Variants in ITFG1 observed in about 807,000 individuals in gnomAD.
ITFG1 encodes integrin alpha FG-GAP repeat containing 1, also known as T-cell immunomodulatory protein.
In ITFG1, 34 loss-of-function variants were observed where a neutral mutation model predicts 81.8. The ratio of observed to expected loss-of-function variants is 0.42; its 90% CI spans 0.32 to 0.55. The LOEUF (loss-of-function observed/expected upper bound fraction) is 0.55. Among genes scored for constraint, ITFG1 ranks in the 20% least tolerant of loss-of-function variants. ITFG1 has a pLI of 0.17. For synonymous variants in ITFG1, 285 were observed against 270.6 expected (o/e 1.05, Z -0.52); for missense variants, 672 against 755.4 (o/e 0.89, Z 1.29).
At chr16:47,333,335 C>T (rs1007075225) in intron 8 of ITFG1, among the ~76,000 whole-genome samples, 1 of 152,130 alleles carries the variant, frequency 6.6e-6, no homozygotes, top group Admixed American at 6.6e-5. Context: ...CTCAAGTCTG[C>T]CTAAGTTCAT....
chr16:47,214,494 T>A (rs1398190228), intron 14 of ITFG1, among the ~76,000 whole-genome samples: 2 of 152,174 alleles, frequency 1.3e-5, no homozygotes. Flanking sequence ...TAAGTTCTTA[T>A]CAAATATTGT....
chr16:47,184,565 G>C (rs1255721994), intron 14 of ITFG1, among the ~76,000 whole-genome samples: 1 of 151,994 alleles, frequency 6.6e-6, no homozygotes, highest in African/African-American at 2.4e-5. Flanking sequence ...ATACTTTCCA[G>C]ACAAGCAAAT....
chr16:47,255,979 T>C (rs1242056431), intron 12 of ITFG1, among the ~76,000 whole-genome samples: 1 of 152,126 alleles, frequency 6.6e-6, no homozygotes, highest in Non-Finnish European at 1.5e-5. Context: ...TTTTATTTTT[T>C]TATTTTTTTT....
At chr16:47,271,117 A>G (rs1966334529) in intron 10 of ITFG1, among the ~76,000 whole-genome samples, 1 of 152,234 alleles carries the variant, frequency 6.6e-6, no homozygotes, top group African/African-American at 2.4e-5. Flanking sequence ...AAATAAAAAT[A>G]ACAAAAATAA....
At chr16:47,329,825 G>A (rs772960324) in intron 8 of ITFG1, among the ~76,000 whole-genome samples, 4 of 152,086 alleles carry the variant, frequency 2.6e-5, no homozygotes, top group Admixed American at 6.6e-5. Flanking sequence ...AACTCAGGCA[G>A]CCTGCGTCGA....
chr16:47,272,245 T>C (rs1469852306), intron 10 of ITFG1, among the ~76,000 whole-genome samples: 1 of 152,116 alleles, frequency 6.6e-6, no homozygotes, highest in Non-Finnish European at 1.5e-5. Context: ...CAGAAAGCTA[T>C]AGAGACAGAA....
intron 14 of ITFG1, among the ~76,000 whole-genome samples, chr16:47,205,173 G>A (rs1567422807): frequency 6.6e-6 from 1 of 152,200 alleles, no homozygotes; most frequent in South Asian, 2.1e-4. Flanking sequence ...GAGTTTTATA[G>A]TCTACATCAG....
At chr16:47,248,560 T>C (rs1966029144) in intron 12 of ITFG1, among the ~76,000 whole-genome samples, 1 of 152,210 alleles carries the variant, frequency 6.6e-6, no homozygotes, top group Non-Finnish European at 1.5e-5. Context: ...GTCAAGCTTA[T>C]GAACAAGTAA....
chr16:47,181,575 C>T (rs1446232909), intron 14 of ITFG1, among the ~76,000 whole-genome samples: 1 of 149,588 alleles, frequency 6.7e-6, no homozygotes, highest in African/African-American at 2.5e-5. Context: ...CCCCCCCGCC[C>T]GGCCAGCCGC....
intron 12 of ITFG1, 131 bp downstream of exon 12, chr16:47,258,501 T>C (rs1966164989): frequency 2.1e-5 from 12 of 572,852 alleles, no homozygotes; most frequent in South Asian, 1.8e-4. Flanking sequence ...TCTATGTATA[T>C]AGACAGGATG....
intron 6 of ITFG1, among the ~76,000 whole-genome samples, chr16:47,416,634 G>A (rs1220337471): frequency 1.3e-5 from 2 of 152,108 alleles, no homozygotes; most frequent in African/African-American, 4.8e-5. Flanking sequence ...TCATTCAAGA[G>A]CTGATTGTTT....
At chr16:47,269,982 T>G (rs1966320533) in intron 10 of ITFG1, among the ~76,000 whole-genome samples, 1 of 152,174 alleles carries the variant, frequency 6.6e-6, no homozygotes, top group Admixed American at 6.5e-5. Flanking sequence ...ACATATATTG[T>G]CAACTGATTT....
At chr16:47,173,229 C>A (rs1386822273) in intron 14 of ITFG1, among the ~76,000 whole-genome samples, 1 of 152,124 alleles carries the variant, frequency 6.6e-6, no homozygotes, top group Non-Finnish European at 1.5e-5. Flanking sequence ...TTCCCTCTTC[C>A]TCCCACCCAC....
At chr16:47,381,451 G>T (rs1248552673) in intron 6 of ITFG1, among the ~76,000 whole-genome samples, 2 of 152,140 alleles carry the variant, frequency 1.3e-5, no homozygotes, top group Non-Finnish European at 2.9e-5. Context: ...ATTCACAGAG[G>T]AGTAATATTA....
chr16:47,390,400 A>C (rs900168308), intron 6 of ITFG1, among the ~76,000 whole-genome samples: 2 of 152,194 alleles, frequency 1.3e-5, no homozygotes, highest in African/African-American at 4.8e-5. Context: ...AAATAACCTT[A>C]CATAAACTGA....
chr16:47,225,615 C>T (rs1965747488), intron 13 of ITFG1, among the ~76,000 whole-genome samples: 1 of 152,024 alleles, frequency 6.6e-6, no homozygotes, highest in Non-Finnish European at 1.5e-5. Context: ...CATCAGAAAC[C>T]CAGGAGGCTA....
At chr16:47,178,685 A>G (rs1294689824) in intron 14 of ITFG1, among the ~76,000 whole-genome samples, 3 of 152,232 alleles carry the variant, frequency 2.0e-5, no homozygotes, top group African/African-American at 7.2e-5. Flanking sequence ...TCATGTCTAA[A>G]ACACCAAAAG....
rs563239316 is a variant in ITFG1 at position 47,271,014 on chromosome 16, C to T, written c.1071-10319G>A. On this transcript the variant is annotated intron_variant, in intron 10 of 17. Coordinates refer to ENST00000320640, the MANE Select transcript of ITFG1 (RefSeq NM_030790.5). ...GATGCATTTGTATACCAAAACATAT[C>T]GACTTACAACCTTTAAAGATAAGTA... 3.9e-5 allele frequency among the ~76,000 whole-genome samples: 6 copies of T among 152,198 alleles called. No homozygotes were observed. The South Asian group carries it at 1.0e-3, about 26-fold the overall frequency.
intron 8 of ITFG1, among the ~76,000 whole-genome samples, chr16:47,331,182 G>A (rs1411483846): frequency 6.6e-6 from 1 of 152,126 alleles, no homozygotes; most frequent in South Asian, 2.1e-4. Context: ...AAATGCAGCT[G>A]GAGGCCATTA....
Sources: allele counts gnomAD v4.1 joint callset (sites outside exome capture counted in the v4.1 genomes callset), GRCh38; gene constraint gnomAD v4.1.1; transcripts MANE v1.5; gene names NCBI Gene and HGNC (gene_info 2026-07-23, HGNC 2026-07-21).